The following PCDHGA5 variants were observed in gnomAD, a reference collection of about 807,000 sequenced individuals.
PCDHGA5 encodes the protein protocadherin gamma-A5.
In PCDHGA5, 36 loss-of-function variants were observed where a neutral mutation model predicts 56.7. The ratio of observed to expected loss-of-function variants is 0.64; its 90% CI spans 0.49 to 0.84. The LOEUF (loss-of-function observed/expected upper bound fraction) is 0.84. PCDHGA5 is among the 40% of genes least tolerant of loss of function. The pLI, the probability that PCDHGA5 is intolerant of heterozygous loss-of-function variation, is 0.00. For synonymous variants in PCDHGA5, 563 were observed against 520.2 expected (o/e 1.08, Z -1.12); for missense variants, 1,305 against 1,201.5 (o/e 1.09, Z -1.27).
At position 141,487,666 on chromosome 5, in the gene PCDHGA5, C is replaced by T. The variant is rs2099657736; in HGVS notation, c.2422-7141C>T. 1 of 1,612,838 alleles carries T rather than the reference C, an allele frequency of 6.2e-7. No homozygotes were observed. Among genetic ancestry groups the T allele is most frequent in the South Asian group, 1.1e-5 (1 of 90,712 alleles). Reference sequence around the variant, plus strand: ...TGCTTGAGGGTTATTCTGATCCAGGCATATGGCTAGGCCATGTCCTAGAGA... The same window carrying T: ...TGCTTGAGGGTTATTCTGATCCAGGTATATGGCTAGGCCATGTCCTAGAGA... On this transcript the variant is annotated intron_variant, in intron 1 of 3. Coordinates refer to ENST00000518069, the MANE Select transcript of PCDHGA5 (RefSeq NM_018918.3). This position sits in a 1 kb window ranked among gnomAD's most constrained non-coding sequence, Gnocchi z 5.0.
chr5:141,386,155 C>G (rs763846568), intron 1 of PCDHGA5, among the ~76,000 whole-genome samples: 1 of 152,160 alleles, frequency 6.6e-6, no homozygotes, highest in Non-Finnish European at 1.5e-5. Flanking sequence ...AACTGTCTCA[C>G]GTACTCAAAC....
intron 1 of PCDHGA5, chr5:141,405,443 A>G (rs2154536495): frequency 7.2e-7 from 1 of 1,381,938 alleles, no homozygotes; most frequent in Non-Finnish European, 1.0e-6. Flanking sequence ...TTTTTGAGAC[A>G]GAGTCTTACT....
chr5:141,420,918 C>T (rs2096532512), intron 1 of PCDHGA5: 1 of 331,946 alleles, frequency 3.0e-6, no homozygotes, highest in South Asian at 6.4e-5. Flanking sequence ...GTGTGATTCA[C>T]AAAGGTGAGC....
At chr5:141,395,468 C>T (rs909198422) in intron 1 of PCDHGA5, 2 of 569,714 alleles carry the variant, frequency 3.5e-6, no homozygotes, top group African/African-American at 3.8e-5. Flanking sequence ...TTAAGCCTTC[C>T]AGTATTTTAT....
Position 141,394,314 on chromosome 5 carries a change from CT to C in PCDHGA5, c.2421+27564del, listed in dbSNP as rs772070804. On this transcript the variant is annotated intron_variant, in intron 1 of 3. Transcript: ENST00000518069. ...CGAGGACACGCTGCAGGGGGCGCCC[CT>C]GTCCTCGTATATCTCCATCAACTCT... 4.3e-6 allele frequency: 7 copies of C among 1,614,038 alleles called. 1 individual carries two copies. Among genetic ancestry groups the C allele is most frequent in the East Asian group, 4.5e-5 (2 of 44,882 alleles).
Position 141,366,024 on chromosome 5 carries a change from C to G in PCDHGA5, c.1694C>G (p.Pro565Arg). 6.2e-7 allele frequency: 1 copy of G among 1,614,260 alleles called. No homozygotes were observed. The highest frequency in any genetic ancestry group is 8.5e-7 in the Non-Finnish European group (1 of 1,180,050). Residue 565 changes from proline (P) to arginine (R), a missense_variant, in exon 1 of 4, where the codon CCC becomes CGC. Pro to Arg is a moderately radical substitution (Grantham distance 103). Transcript: ENST00000518069. ...QNDNTPEILY[P>R]ALPTDGSTGV... ...GACAATACGCCTGAGATCCTGTACCCCGCCCTCCCCACAGACGGTTCCACG... is the reference window on the plus strand; with the variant it reads ...GACAATACGCCTGAGATCCTGTACCGCGCCCTCCCCACAGACGGTTCCACG...
intron 1 of PCDHGA5, chr5:141,484,969 G>A: frequency 3.4e-6 from 2 of 584,588 alleles, no homozygotes; most frequent in Admixed American, 3.2e-5. Flanking sequence ...CCCGGGAGCC[G>A]CTGTCTGCCA....
intron 1 of PCDHGA5, among the ~76,000 whole-genome samples, chr5:141,402,680 TATA>T (rs1441272447): frequency 2.4e-4 from 36 of 152,348 alleles, no homozygotes; most frequent in African/African-American, 7.9e-4. Context: ...AGCCATCTGA[TATA>T]ATGTTACACA....
rs753032334 is a variant in PCDHGA5 at position 141,372,277 on chromosome 5, C to G, written c.2421+5526C>G. The G allele has an allele frequency of 7.4e-6, 12 of 1,612,994 alleles. No individual in the cohort carries two copies. Among genetic ancestry groups the G allele is most frequent in the Middle Eastern group, 3.3e-4 (2 of 6,080 alleles). Reference sequence around the variant, plus strand: ...GGCCTGCGCACGGGTGAGGTGCGCACGGCGCGTACCTTGGGCGACAGGGAG... The same window carrying G: ...GGCCTGCGCACGGGTGAGGTGCGCAGGGCGCGTACCTTGGGCGACAGGGAG... On this transcript the variant is annotated intron_variant, in intron 1 of 3. Transcript: ENST00000518069.
intron 1 of PCDHGA5, chr5:141,399,207 A>T (rs771939823): frequency 1.2e-6 from 2 of 1,613,992 alleles, no homozygotes; most frequent in South Asian, 2.2e-5. Flanking sequence ...TGCCTGGAAC[A>T]CTAATTGCTT....
In PCDHGA5 at chr5:141,415,739, G is replaced by GTTTT; in HGVS notation, c.2421+48988_2421+48989insTTTT. On this transcript the variant is annotated intron_variant, in intron 1 of 3. Transcript: ENST00000518069. The stretch of plus-strand genomic sequence containing the variant: ...ATGAGTAGAATTTGATGTTTATTAA[G>GTTTT]GTTTTTTTTTTTTTTTTTTTTTTTT... 9.2e-6 allele frequency: 4 copies of GTTTT among 434,946 alleles called. No homozygotes were observed. In the African/African-American group the frequency reaches 1.3e-4, roughly 14 times the overall value. 26.9% of individuals were successfully genotyped at this position (434,946 alleles called of 1,614,324 possible).
At chr5:141,384,331 G>C (rs376216978) in intron 1 of PCDHGA5, 1 of 1,613,728 alleles carries the variant, frequency 6.2e-7, no homozygotes, top group Non-Finnish European at 8.5e-7. Flanking sequence ...GACTGCACAG[G>C]ACCACGACAG....
chr5:141,401,083 C>T (rs2094110284), intron 1 of PCDHGA5, among the ~76,000 whole-genome samples: 1 of 152,176 alleles, frequency 6.6e-6, no homozygotes, highest in Admixed American at 6.5e-5. Context: ...GTGGCTCATG[C>T]CTGTAATCCC....
chr5:141,428,194 T>C (rs2097123409), intron 1 of PCDHGA5: 1 of 1,414,108 alleles, frequency 7.1e-7, no homozygotes, highest in Admixed American at 1.8e-5. Flanking sequence ...CGCCGCTCTC[T>C]GCGCCGCTAC....
intron 1 of PCDHGA5, chr5:141,418,928 A>C: frequency 1.2e-6 from 2 of 1,613,978 alleles, no homozygotes; most frequent in Non-Finnish European, 1.7e-6. Flanking sequence ...TGATCAGATT[A>C]TGGAGGATTC....
chr5:141,388,875 G>T lies in PCDHGA5; in HGVS notation c.2421+22124G>T, dbSNP rs201053346. ...TGGAGGAATGATTGCGCAATGCACAGTGGAGGTAGAAGTCATAGATGAAAA... is the reference window on the plus strand; with the variant it reads ...TGGAGGAATGATTGCGCAATGCACATTGGAGGTAGAAGTCATAGATGAAAA... On this transcript the variant is annotated intron_variant, in intron 1 of 3. Coordinates refer to ENST00000518069, the MANE Select transcript of PCDHGA5 (RefSeq NM_018918.3). 1.4e-4 allele frequency: 224 copies of T among 1,614,024 alleles called. No homozygotes were observed. The highest frequency in any genetic ancestry group is 1.8e-4 in the Non-Finnish European group (214 of 1,179,874).
intron 1 of PCDHGA5, chr5:141,370,571 G>A (rs970814015): frequency 1.2e-6 from 2 of 1,613,816 alleles, no homozygotes; most frequent in African/African-American, 1.3e-5. Flanking sequence ...TTGGCGTGGG[G>A]GATTTACCTA....
intron 1 of PCDHGA5, among the ~76,000 whole-genome samples, chr5:141,474,420 T>C (rs1260451051): frequency 2.0e-5 from 3 of 152,226 alleles, no homozygotes; most frequent in Admixed American, 2.0e-4. Flanking sequence ...GCCTAGACCA[T>C]TGGTCCTCAC....
chr5:141,484,697 T>C (rs746981788), intron 1 of PCDHGA5, among the ~76,000 whole-genome samples: 11 of 151,988 alleles, frequency 7.2e-5, no homozygotes, highest in Non-Finnish European at 1.3e-4. Context: ...AGGCTGTGGC[T>C]GTTTTCCCCG....
Sources: gnomAD v4.1 joint callset for allele counts (sites outside exome capture counted in the v4.1 genomes callset) on GRCh38, gnomAD v4.1.1 for gene constraint, Gnocchi (gnomAD v3.1) non-coding constraint, MANE v1.5 for transcripts, NCBI Gene and HGNC (gene_info 2026-07-23, HGNC 2026-07-21) for gene names.